TTF2: variants seen among roughly 807,000 people sequenced by gnomAD.
TTF2 encodes the protein transcription termination factor 2, also known as RNA polymerase II termination factor.
In TTF2, 108 loss-of-function variants were observed where a neutral mutation model predicts 142.4. That is an observed-to-expected ratio of 0.76 (90% CI 0.65 to 0.89). The LOEUF (loss-of-function observed/expected upper bound fraction) is 0.89, where lower values mean the gene tolerates loss of function less well. TTF2 is among the 40% of genes least tolerant of loss of function. TTF2 has a pLI of 0.00. For missense variants in TTF2, 1,327 were observed against 1,379.8 expected, an observed-to-expected ratio of 0.96 and a Z score of 0.61; for synonymous variants, 483 against 506.2, an observed-to-expected ratio of 0.95 and a Z score of 0.61.
chr1:117,086,010 C>G lies in TTF2; in HGVS notation c.2055-407C>G, dbSNP rs1647965748. ...CCCCTGGGACTTTGGTGTCATCCAT[C>G]TCAAATCATTATTAAATGTTAATTC... is the stretch of plus-strand genomic sequence containing the variant. On this transcript the variant is annotated intron_variant, in intron 11 of 22. Transcript: ENST00000369466. The surrounding 1 kb of genome is among the most constrained non-coding windows in gnomAD (Gnocchi z 4.2). 6.6e-6 allele frequency among the ~76,000 whole-genome samples: 1 copy of G among 152,172 alleles called. No homozygotes were observed. The highest frequency in any genetic ancestry group is 1.5e-5 in the Non-Finnish European group (1 of 68,032).
chr1:117,089,808 T>A lies in TTF2; in HGVS notation c.2343-247T>A, dbSNP rs541099581. ...ACAAATTCTAGCTGTTGGTTATATG[T>A]CTTGTTGTGACAGCGTAGGCATCGT... is the stretch of plus-strand genomic sequence containing the variant. On this transcript the variant is annotated intron_variant, in intron 13 of 22. Coordinates refer to ENST00000369466, the MANE Select transcript of TTF2 (RefSeq NM_003594.4). 1.8e-3 allele frequency among the ~76,000 whole-genome samples: 280 copies of A among 152,320 alleles called. 3 individuals carry two copies. Among genetic ancestry groups the A allele is most frequent in the Middle Eastern group, 3.4e-3 (1 of 294 alleles).
chr1:117,073,679 T>C lies in TTF2; in HGVS notation c.237T>C (p.Ile79=). 2 of 1,611,286 alleles carry C rather than the reference T, an allele frequency of 1.2e-6. No homozygotes were observed. The highest frequency in any genetic ancestry group is 1.7e-6 in the Non-Finnish European group (2 of 1,177,986). Reference sequence around the variant, plus strand: ...TCATTAGATTGTTCTTCCGATGCATTAGAAGTAAGGCAGAGGGGAAACGCT... The same window carrying C: ...TCATTAGATTGTTCTTCCGATGCATCAGAAGTAAGGCAGAGGGGAAACGCT... ...KKEYRLFFRC[I]RSKAEGKRWC... Residue 79 remains isoleucine, a synonymous_variant, in exon 4 of 23, where the codon ATT becomes ATC. Transcript: ENST00000369466. This position sits in a 1 kb window ranked among gnomAD's most constrained non-coding sequence, Gnocchi z 4.4.
intron 3 of TTF2, among the ~76,000 whole-genome samples, chr1:117,067,822 TA>T (rs1288898516): frequency 2.6e-5 from 4 of 152,360 alleles, no homozygotes; most frequent in Non-Finnish European, 5.9e-5. Context: ...CTCTAATTAA[TA>T]CTATTATGTT....
chr1:117,068,707 T>C (rs1169427853), intron 3 of TTF2, among the ~76,000 whole-genome samples: 1 of 152,158 alleles, frequency 6.6e-6, no homozygotes, highest in Non-Finnish European at 1.5e-5. Flanking sequence ...TATCTAGCCC[T>C]AGTATAGTGA....
intron 12 of TTF2, 52 bp from the exon 13 acceptor site, chr1:117,088,749 G>A (rs1648263534): frequency 5.0e-6 from 8 of 1,587,598 alleles, no homozygotes; most frequent in Non-Finnish European, 6.9e-6. Flanking sequence ...TGTCCTTAAG[G>A]ACATGTACAT....
intron 21 of TTF2, chr1:117,098,221 A>G (rs1232801353): frequency 6.6e-6 from 1 of 151,042 alleles, no homozygotes; most frequent in African/African-American, 2.4e-5. Context: ...GAGAAATGTT[A>G]TCCAAGATTT....
intron 3 of TTF2, among the ~76,000 whole-genome samples, chr1:117,069,597 G>A (rs1364829128): frequency 2.0e-5 from 3 of 152,236 alleles, no homozygotes; most frequent in Non-Finnish European, 2.9e-5. Flanking sequence ...CATCATGACC[G>A]TATGAGGTAT....
At position 117,096,235 on chromosome 1, in the gene TTF2, GCT is replaced by G. The variant is rs1557831693; in HGVS notation, c.3125_3126del (p.Ser1042CysfsTer14). ...GGACTGACTTATGCCACCATCGATGGCTCTGTCAATCCCAAGCAGAGAATGGA... is the reference window on the plus strand; with the variant it reads ...GGACTGACTTATGCCACCATCGATGGCTGTCAATCCCAAGCAGAGAATGGA... On this transcript the variant is annotated frameshift_variant, in exon 20 of 23. Coordinates refer to ENST00000369466, the MANE Select transcript of TTF2 (RefSeq NM_003594.4). LOFTEE classifies it high-confidence loss of function. 1 of 1,613,962 alleles carries G rather than the reference GCT, an allele frequency of 6.2e-7. No homozygotes were observed. The highest frequency in any genetic ancestry group is 2.2e-5 in the East Asian group (1 of 44,880).
chr1:117,060,523 C>G lies in TTF2; in HGVS notation c.97C>G (p.Arg33Gly). The change falls in exon 2 of 23, where the codon CGG (arginine) becomes GGG (glycine). Residue 33 changes from arginine (R) to glycine (G), a missense_variant. Physicochemically the swap from Arg to Gly is moderately radical, Grantham distance 125. Coordinates refer to ENST00000369466, the MANE Select transcript of TTF2 (RefSeq NM_003594.4). ...TAAAGGAAAGAGCTTCTACGTGTGC[C>G]GGGCAGACACGTGCAGCTTCGTGCG... ...PNKGKSFYVC[R>G]ADTCSFVRAT... 2 of 1,613,762 alleles carry G rather than the reference C, an allele frequency of 1.2e-6. No homozygotes were observed. The highest frequency in any genetic ancestry group is 1.1e-5 in the South Asian group (1 of 91,046).
intron 8 of TTF2, 126 bp downstream of exon 8, chr1:117,078,169 C>A (rs1657172328): frequency 1.6e-6 from 2 of 1,231,684 alleles, no homozygotes; most frequent in Non-Finnish European, 1.1e-6. Context: ...GCTTCCCTTG[C>A]AGCATCCTCT....
chr1:117,097,233 GA>G lies in TTF2; in HGVS notation c.3187-116del. 1 of 850,838 alleles carries G rather than the reference GA, an allele frequency of 1.2e-6. No homozygotes were observed. Among genetic ancestry groups the G allele is most frequent in the Non-Finnish European group, 1.9e-6 (1 of 524,346 alleles). 52.7% of individuals were successfully genotyped at this position (850,838 alleles called of 1,614,324 possible). A position where few individuals can be genotyped will look rare whatever the true frequency, so the allele number is the denominator to read the frequency against. ...AAAAAAAAAACAATTTATAACAGCA[GA>G]AGGAAATTTGATAGGAACACAGTGC... On this transcript the variant is annotated intron_variant, in intron 20 of 22. Transcript: ENST00000369466. The surrounding 1 kb of genome is among the most constrained non-coding windows in gnomAD (Gnocchi z 4.1).
Position 117,068,272 on chromosome 1 carries a change from T to A in TTF2, c.219-5389T>A, listed in dbSNP as rs376647586. Among the ~76,000 whole-genome samples the A allele has an allele frequency of 1.6e-4, 24 of 152,210 alleles. No individual in the cohort carries two copies. The South Asian group carries it at 5.1e-3, about 32-fold the overall frequency. On this transcript the variant is annotated intron_variant, in intron 3 of 22. Transcript: ENST00000369466. ...CTTTAAATAATTGGTTGTGGTATCC[T>A]TCTGAGCAAACTATCACAAGGACAG...
In TTF2 at chr1:117,105,855, A is replaced by G. The variant is rs553041090; in HGVS notation, c.*4331A>G. 42 of 152,336 alleles carry G rather than the reference A, an allele frequency of 2.8e-4. No homozygotes were observed. The highest frequency in any genetic ancestry group is 8.4e-4 in the African/African-American group (35 of 41,568). 9.4% of individuals were successfully genotyped at this position (152,336 alleles called of 1,614,324 possible). On this transcript the variant is annotated 3_prime_UTR_variant, in exon 23 of 23. Coordinates refer to ENST00000369466, the MANE Select transcript of TTF2 (RefSeq NM_003594.4). This position sits in a 1 kb window ranked among gnomAD's most constrained non-coding sequence, Gnocchi z 4.7. ...ATCCTGTGAGTGATTTAGCATGGCA[A>G]TTCATGAACACTGAGTTGTTTCCTT...
Position 117,078,021 on chromosome 1 carries a change from C to A in TTF2, c.1679C>A (p.Ala560Glu). ...TCATGTCCTGGTGAGACGGTTGTGG[C>A]AGAAGATCCCGCCGGGCTGAAGGTG... is the stretch of plus-strand genomic sequence containing the variant. ...LESCPGETVV[A>E]EDPAGLKVPL... Residue 560 changes from alanine (A) to glutamate (E), a missense_variant, in exon 8 of 23, where the codon GCA (alanine) becomes GAA (glutamate). By Grantham distance (107) the Ala-to-Glu change is moderately radical. Coordinates refer to ENST00000369466, the MANE Select transcript of TTF2 (RefSeq NM_003594.4). 6.2e-7 allele frequency: 1 copy of A among 1,614,034 alleles called. No individual in the cohort carries two copies. The highest frequency in any genetic ancestry group is 8.5e-7 in the Non-Finnish European group (1 of 1,179,974).
chr1:117,095,216 C>A, intron 18 of TTF2, 93 bp from the exon 19 acceptor site: 1 of 1,164,130 alleles, frequency 8.6e-7, no homozygotes, highest in Non-Finnish European at 1.3e-6. Context: ...AGAGCACAGA[C>A]GCCATGTAGG....
In TTF2 at chr1:117,099,692, C is replaced by T. The variant is rs1234518010; in HGVS notation, c.3344+785C>T. Among the ~76,000 whole-genome samples, 7 of 152,220 alleles carry T rather than the reference C, an allele frequency of 4.6e-5. No individual in the cohort carries two copies. The highest frequency in any genetic ancestry group is 1.0e-4 in the Non-Finnish European group (7 of 68,048). ...GCCAATCCCCTCTCACAATGGCCCT[C>T]TTTTTTGCCTTCCTTTTCATGACCA... On this transcript the variant is annotated intron_variant, in intron 22 of 22. Coordinates refer to ENST00000369466, the MANE Select transcript of TTF2 (RefSeq NM_003594.4). This position sits in a 1 kb window ranked among gnomAD's most constrained non-coding sequence, Gnocchi z 4.3.
Position 117,074,955 on chromosome 1 carries a change from A to G in TTF2, c.371A>G (p.Asn124Ser), listed in dbSNP as rs755262133. Residue 124 changes from asparagine (N) to serine (S), a missense_variant, in exon 5 of 23, where the codon AAT becomes AGT. Transcript: ENST00000369466. The part of the protein sequence containing the change: ...TFHHSSNWLR[N>S]PFKVLDKNQE... ...CATCATTCTTCCAACTGGCTGAGAA[A>G]TCCATTCAAGGTACTTGACAAGAAT... 1 of 1,613,904 alleles carries G rather than the reference A, an allele frequency of 6.2e-7. No individual in the cohort carries two copies. The highest frequency in any genetic ancestry group is 1.1e-5 in the South Asian group (1 of 91,004).
rs533210914 is a variant in TTF2 at position 117,088,392 on chromosome 1, C to A, written c.2161-409C>A. Among the ~76,000 whole-genome samples the A allele has an allele frequency of 6.6e-5, 10 of 152,256 alleles. No individual in the cohort carries two copies. The South Asian group carries it at 1.7e-3, about 25-fold the overall frequency. ...CTCTACTAAAAATACAAAAAATTAG[C>A]CGGGTGTGGTGGCGGGCGCCTGTGG... On this transcript the variant is annotated intron_variant, in intron 12 of 22. Transcript: ENST00000369466.
At chr1:117,094,811 T>C in intron 18 of TTF2, 1 of 367,428 alleles carries the variant, frequency 2.7e-6, no homozygotes, top group Admixed American at 4.0e-5. Context: ...ACCGTGATAA[T>C]AGAAACAAAA....
Sources: gnomAD v4.1 joint callset for allele counts (sites outside exome capture counted in the v4.1 genomes callset) on GRCh38, gnomAD v4.1.1 for gene constraint, Gnocchi (gnomAD v3.1) non-coding constraint, MANE v1.5 for transcripts, NCBI Gene and HGNC (gene_info 2026-07-23, HGNC 2026-07-21) for gene names.